The following CPA6 variants were observed in gnomAD, a reference collection of about 807,000 sequenced individuals.
CPA6 encodes carboxypeptidase A6.
Under a neutral mutation model 63.3 loss-of-function variants are expected in CPA6, and 58 were observed. The observed-to-expected ratio is 0.92, with a 90% CI of 0.74 to 1.14. The LOEUF (loss-of-function observed/expected upper bound fraction) is 1.14, where lower values mean the gene tolerates loss of function less well. Among genes scored for constraint, CPA6 ranks in the 50% most tolerant of loss-of-function variants. CPA6 has a pLI of 0.00. For synonymous variants in CPA6, 185 were observed against 179.0 expected (o/e 1.03, Z -0.27); for missense variants, 565 against 526.6 (o/e 1.07, Z -0.71).
intron 1 of CPA6, among the ~76,000 whole-genome samples, chr8:67,666,989 T>C (rs1044631083): frequency 9.2e-5 from 14 of 151,804 alleles, no homozygotes; most frequent in African/African-American, 3.4e-4. Flanking sequence ...CCTTTAGGAC[T>C]CCTTAAATCA....
At chr8:67,681,722 GT>G (rs1264226150) in intron 1 of CPA6, among the ~76,000 whole-genome samples, 1 of 152,010 alleles carries the variant, frequency 6.6e-6, no homozygotes, top group Admixed American at 6.6e-5. Flanking sequence ...CCATACACGT[GT>G]GTTTCCATTC....
intron 1 of CPA6, among the ~76,000 whole-genome samples, chr8:67,633,645 C>A (rs1309315471): frequency 6.9e-6 from 1 of 144,944 alleles, no homozygotes; most frequent in African/African-American, 2.6e-5. Context: ...CGCGCCACTG[C>A]ACTCCAGCCT....
intron 9 of CPA6, among the ~76,000 whole-genome samples, chr8:67,431,545 A>G (rs1022683896): frequency 1.3e-5 from 2 of 152,134 alleles, no homozygotes; most frequent in Non-Finnish European, 2.9e-5. Context: ...AATAATTTTT[A>G]TATATTATAT....
At chr8:67,463,239 T>C (rs1462238758) in intron 8 of CPA6, among the ~76,000 whole-genome samples, 2 of 151,680 alleles carry the variant, frequency 1.3e-5, no homozygotes, top group African/African-American at 4.8e-5. Context: ...AGGTCAGGAG[T>C]TCGAGACCAG....
chr8:67,479,014 C>G (rs1326594027), intron 8 of CPA6, among the ~76,000 whole-genome samples: 2 of 152,154 alleles, frequency 1.3e-5, no homozygotes, highest in African/African-American at 2.4e-5. Context: ...GAGCAAGACT[C>G]TGTCTAAAAG....
At chr8:67,533,853 C>G (rs1255585533) in intron 2 of CPA6, among the ~76,000 whole-genome samples, 1 of 152,160 alleles carries the variant, frequency 6.6e-6, no homozygotes, top group Non-Finnish European at 1.5e-5. Context: ...CCCAGGGTAC[C>G]AAAGCCTGAA....
At chr8:67,656,389 T>A (rs913295045) in intron 1 of CPA6, among the ~76,000 whole-genome samples, 2 of 152,188 alleles carry the variant, frequency 1.3e-5, no homozygotes, top group African/African-American at 4.8e-5. Context: ...TTCCCACAAA[T>A]GTTACAGGGC....
intron 1 of CPA6, among the ~76,000 whole-genome samples, chr8:67,689,872 A>G (rs1816781186): frequency 6.6e-6 from 1 of 152,210 alleles, no homozygotes. Flanking sequence ...CATTGGCTGA[A>G]CTAATTTATA....
intron 1 of CPA6, among the ~76,000 whole-genome samples, chr8:67,666,491 A>G (rs1034874520): frequency 6.6e-6 from 1 of 152,170 alleles, no homozygotes; most frequent in Non-Finnish European, 1.5e-5. Context: ...GGAGGGAGAC[A>G]TGGTCTGGGA....
At chr8:67,556,398 G>A (rs939185247) in intron 2 of CPA6, among the ~76,000 whole-genome samples, 4 of 152,138 alleles carry the variant, frequency 2.6e-5, no homozygotes, top group Non-Finnish European at 4.4e-5. Flanking sequence ...GACATCCTGC[G>A]CTTCCACACA....
At chr8:67,440,630 T>A (rs1330079971) in intron 8 of CPA6, among the ~76,000 whole-genome samples, 5 of 152,122 alleles carry the variant, frequency 3.3e-5, no homozygotes, top group African/African-American at 7.2e-5. Context: ...ATTTCGTCAG[T>A]GAGCAAACAT....
At chr8:67,438,926 G>C (rs1037761717) in intron 8 of CPA6, among the ~76,000 whole-genome samples, 2 of 151,926 alleles carry the variant, frequency 1.3e-5, no homozygotes, top group Non-Finnish European at 1.5e-5. Flanking sequence ...AAGAAAAATA[G>C]AACACAAAAT....
At chr8:67,428,216 A>G in intron 9 of CPA6, 85 bp from the exon 10 acceptor site, 1 of 721,420 alleles carries the variant, frequency 1.4e-6, no homozygotes. Context: ...CTCATCGATC[A>G]TCACCAGATG....
At chr8:67,562,823 C>T (rs1214714534) in intron 2 of CPA6, among the ~76,000 whole-genome samples, 1 of 152,148 alleles carries the variant, frequency 6.6e-6, no homozygotes, top group South Asian at 2.1e-4. Flanking sequence ...ACCCTGAATC[C>T]AGAATTGTGA....
intron 8 of CPA6, among the ~76,000 whole-genome samples, chr8:67,463,272 T>A (rs1717138928): frequency 6.6e-6 from 1 of 152,000 alleles, no homozygotes. Context: ...GGTGAAACTC[T>A]GTCTCCACTA....
chr8:67,573,418 G>A (rs1813536309), intron 2 of CPA6, among the ~76,000 whole-genome samples: 1 of 152,100 alleles, frequency 6.6e-6, no homozygotes, highest in Admixed American at 6.5e-5. Context: ...TACAAATTCA[G>A]TAAAGTTGCA....
At chr8:67,487,632 G>T (rs943259174) in intron 6 of CPA6, among the ~76,000 whole-genome samples, 2 of 152,202 alleles carry the variant, frequency 1.3e-5, no homozygotes, top group African/African-American at 2.4e-5. Flanking sequence ...TCGCCACATT[G>T]TCTTCCACAA....
At chr8:67,620,272 T>C (rs1183793391) in intron 2 of CPA6, among the ~76,000 whole-genome samples, 1 of 152,250 alleles carries the variant, frequency 6.6e-6, no homozygotes, top group Non-Finnish European at 1.5e-5. Context: ...AGTGCTCATC[T>C]GATTTAGGTC....
chr8:67,491,337 C>T (rs184461915), intron 6 of CPA6, among the ~76,000 whole-genome samples: 10 of 141,688 alleles, frequency 7.1e-5, no homozygotes, highest in African/African-American at 2.6e-5. Flanking sequence ...TTGAAAGTAA[C>T]GAGAAGAAAA....
Sources: allele counts gnomAD v4.1 joint callset (sites outside exome capture counted in the v4.1 genomes callset), GRCh38; gene constraint gnomAD v4.1.1; transcripts MANE v1.5; gene names NCBI Gene and HGNC (gene_info 2026-07-23, HGNC 2026-07-21).